Variants in PDE3A observed in about 807,000 individuals in gnomAD.
The protein encoded by PDE3A is cGMP-inhibited 3',5'-cyclic phosphodiesterase 3A.
Under a neutral mutation model 98.3 loss-of-function variants are expected in PDE3A, and 43 were observed. That is an observed-to-expected ratio of 0.44 (90% CI 0.34 to 0.56). The LOEUF (loss-of-function observed/expected upper bound fraction) is 0.56, where lower values mean the gene tolerates loss of function less well. Ranked by LOEUF, PDE3A falls within the 20% of genes least tolerant of loss-of-function variation. PDE3A has a pLI of 0.01. For missense variants in PDE3A, 1,427 were observed against 1,440.7 expected (o/e 0.99, Z 0.15); for synonymous variants, 663 against 567.9 (o/e 1.17, Z -2.38).
chr12:20,648,952 G>A lies in PDE3A; in HGVS notation c.2769+61G>A, dbSNP rs1190286525. On this transcript the variant is annotated intron_variant, in intron 13 of 15. Coordinates refer to ENST00000359062, the MANE Select transcript of PDE3A (RefSeq NM_000921.5). ...CTTTTTTTTTTTTTTTTGAGACAGA[G>A]TCTTGCTCTGTCGCCCAGACTGGAG... 4.1e-6 allele frequency: 4 copies of A among 973,228 alleles called. No homozygotes were observed. The East Asian group carries it at 1.1e-4, about 26-fold the overall frequency. 60.3% of individuals were successfully genotyped at this position (973,228 alleles called of 1,614,324 possible).
At chr12:20,528,379 A>T (rs80067368) in intron 1 of PDE3A, among the ~76,000 whole-genome samples, 2 of 152,174 alleles carry the variant, frequency 1.3e-5, no homozygotes, top group Non-Finnish European at 2.9e-5. Context: ...TCTGATGGTG[A>T]CAATTCGGTA....
At chr12:20,643,088 G>A (rs920243457) in intron 10 of PDE3A, among the ~76,000 whole-genome samples, 1 of 152,118 alleles carries the variant, frequency 6.6e-6, no homozygotes, top group Admixed American at 6.6e-5. Flanking sequence ...GAGGTAGGGT[G>A]TACCATGTGC....
At chr12:20,430,796 T>C (rs1287862678) in intron 1 of PDE3A, among the ~76,000 whole-genome samples, 2 of 152,190 alleles carry the variant, frequency 1.3e-5, no homozygotes, top group Non-Finnish European at 2.9e-5. Context: ...ACAATTTCAC[T>C]GAGCTTGGAA....
chr12:20,493,045 T>C lies in PDE3A; in HGVS notation c.961-63615T>C, dbSNP rs566997970. 7.9e-5 allele frequency among the ~76,000 whole-genome samples: 12 copies of C among 152,308 alleles called. No individual in the cohort carries two copies. In the East Asian group the frequency reaches 2.3e-3, roughly 29 times the overall value. On this transcript the variant is annotated intron_variant, in intron 1 of 15. Coordinates refer to ENST00000359062, the MANE Select transcript of PDE3A (RefSeq NM_000921.5). ...AATAATAGAACCAATAATATAGGGT[T>C]ATTATGAGAGTTAAATAAGTTAATA...
chr12:20,552,154 G>A lies in PDE3A; in HGVS notation c.961-4506G>A, dbSNP rs1942226471. ...ACTCACCAACACCAACAGGGCGCTGGCTCTCAACTGCTTTGCTCCCATCAA... is the reference window on the plus strand; with the variant it reads ...ACTCACCAACACCAACAGGGCGCTGACTCTCAACTGCTTTGCTCCCATCAA... On this transcript the variant is annotated intron_variant, in intron 1 of 15. Transcript: ENST00000359062. This position sits in a 1 kb window ranked among gnomAD's most constrained non-coding sequence, Gnocchi z 5.1. The A allele has an allele frequency of 5.6e-6, 9 of 1,613,694 alleles. No homozygotes were observed. The highest frequency in any genetic ancestry group is 5.1e-6 in the Non-Finnish European group (6 of 1,179,894).
At chr12:20,627,220 T>C (rs1318136896) in intron 5 of PDE3A, among the ~76,000 whole-genome samples, 1 of 151,782 alleles carries the variant, frequency 6.6e-6, no homozygotes, top group Non-Finnish European at 1.5e-5. Context: ...GCTAAGGAAT[T>C]GCCTAACACA....
At chr12:20,603,872 G>A (rs143940520) in intron 2 of PDE3A, among the ~76,000 whole-genome samples, 4 of 152,206 alleles carry the variant, frequency 2.6e-5, no homozygotes, top group African/African-American at 7.2e-5. Flanking sequence ...GGAGACAAGA[G>A]CTAAAGAAAT....
rs1479453507 is a variant in PDE3A at position 20,684,877 on chromosome 12, A to T, written c.*4606A>T. 6.6e-6 allele frequency among the ~76,000 whole-genome samples: 1 copy of T among 152,336 alleles called. No individual in the cohort carries two copies. Among genetic ancestry groups the T allele is most frequent in the African/African-American group, 2.4e-5 (1 of 41,576 alleles). On this transcript the variant is annotated 3_prime_UTR_variant, in exon 16 of 16. Coordinates refer to ENST00000359062, the MANE Select transcript of PDE3A (RefSeq NM_000921.5). ...AAAACTATACATAACTTAAATTGAGATTTGCATACGTATTTGTGTGTTTCA... is the reference window on the plus strand; with the variant it reads ...AAAACTATACATAACTTAAATTGAGTTTTGCATACGTATTTGTGTGTTTCA...
intron 1 of PDE3A, among the ~76,000 whole-genome samples, chr12:20,512,003 C>A (rs1449703218): frequency 1.3e-5 from 2 of 151,910 alleles, no homozygotes; most frequent in African/African-American, 2.4e-5. Flanking sequence ...ACACGACTAG[C>A]ATTAAAAATG....
chr12:20,638,422 C>A (rs1175257154), intron 9 of PDE3A, among the ~76,000 whole-genome samples: 1 of 152,152 alleles, frequency 6.6e-6, no homozygotes, highest in African/African-American at 2.4e-5. Flanking sequence ...TTCTGTCCAT[C>A]ACCATGTTGA....
intron 2 of PDE3A, among the ~76,000 whole-genome samples, chr12:20,572,582 C>T (rs61277337): frequency 0.032 from 4,935 of 152,098 alleles, 239 homozygotes; most frequent in African/African-American, 0.11. Flanking sequence ...GTCCATCCTT[C>T]TGCATTTTTT....
intron 1 of PDE3A, among the ~76,000 whole-genome samples, chr12:20,539,664 A>C (rs1421455701): frequency 6.6e-6 from 1 of 152,114 alleles, no homozygotes. Flanking sequence ...ATGGATGATC[A>C]GTCACAGAAA....
intron 2 of PDE3A, among the ~76,000 whole-genome samples, chr12:20,569,619 A>T (rs1341064999): frequency 6.6e-6 from 1 of 152,202 alleles, no homozygotes; most frequent in African/African-American, 2.4e-5. Context: ...AAAGAAGAAT[A>T]TGTAGCTAAT....
chr12:20,604,746 A>AACTT (rs1171600557), intron 2 of PDE3A, among the ~76,000 whole-genome samples: 1 of 152,204 alleles, frequency 6.6e-6, no homozygotes, highest in African/African-American at 2.4e-5. Context: ...AATATATTTT[A>AACTT]ACTTAATACA....
chr12:20,468,813 G>C (rs914399223), intron 1 of PDE3A, among the ~76,000 whole-genome samples: 3 of 152,192 alleles, frequency 2.0e-5, no homozygotes, highest in Non-Finnish European at 4.4e-5. Context: ...CTACACAAAG[G>C]GTGGAAGAGC....
chr12:20,555,462 G>T (rs7972419), intron 1 of PDE3A, among the ~76,000 whole-genome samples: 99,770 of 152,106 alleles, frequency 0.66, 32,891 homozygotes, highest in East Asian at 0.76. Flanking sequence ...TGAAATCACC[G>T]AAAATCTACC....
At chr12:20,464,029 A>G (rs1945298760) in intron 1 of PDE3A, among the ~76,000 whole-genome samples, 1 of 152,094 alleles carries the variant, frequency 6.6e-6, no homozygotes, top group African/African-American at 2.4e-5. Flanking sequence ...ATTCATTACC[A>G]CTTAGTTTAG....
At chr12:20,637,317 A>G (rs1439228329) in intron 9 of PDE3A, 80 bp downstream of exon 9, 19 of 1,043,740 alleles carry the variant, frequency 1.8e-5, no homozygotes, top group Non-Finnish European at 2.5e-5. Context: ...TAAATTCTTG[A>G]CACTTGTGGA....
chr12:20,680,139 C>A lies in PDE3A; in HGVS notation c.3294C>A (p.Gly1098=), dbSNP rs757570668. ...TTGAAGAGGAGCAACGGTTGGCAGG[C>A]ATAGAAAATCAATCCCTGGACCAGA... ...KVIEEEQRLA[G]IENQSLDQTP... Residue 1098 remains glycine, a synonymous_variant, in exon 16 of 16, where the codon GGC becomes GGA. Transcript: ENST00000359062. The A allele has an allele frequency of 8.7e-6, 14 of 1,613,646 alleles. No individual in the cohort carries two copies. The highest frequency in any genetic ancestry group is 1.2e-5 in the Non-Finnish European group (14 of 1,179,704).
Sources: gnomAD v4.1 joint callset for allele counts (sites outside exome capture counted in the v4.1 genomes callset) on GRCh38, gnomAD v4.1.1 for gene constraint, Gnocchi (gnomAD v3.1) non-coding constraint, MANE v1.5 for transcripts, NCBI Gene and HGNC (gene_info 2026-07-23, HGNC 2026-07-21) for gene names.